The following DOCK10 variants were observed in gnomAD, a reference collection of about 807,000 sequenced individuals.
The protein encoded by DOCK10 is dedicator of cytokinesis 10.
Under a neutral mutation model 280.1 loss-of-function variants are expected in DOCK10, and 145 were observed. The observed-to-expected ratio is 0.52, with a 90% CI of 0.45 to 0.59. The LOEUF is 0.59. Ranked by LOEUF, DOCK10 falls within the 20% of genes least tolerant of loss-of-function variation. The probability of loss-of-function intolerance (pLI) is 0.00; values close to 1 mark genes in which losing one functional copy is unlikely to be tolerated. For synonymous variants in DOCK10, 915 were observed against 942.2 expected (o/e 0.97, Z 0.53); for missense variants, 2,368 against 2,651.7 (o/e 0.89, Z 2.35).
In DOCK10 at chr2:224,830,563, A is replaced by C; in HGVS notation, c.3014T>G (p.Leu1005Trp). The C allele has an allele frequency of 6.6e-7, 1 of 1,526,358 alleles. No individual in the cohort carries two copies. The highest frequency in any genetic ancestry group is 8.9e-7 in the Non-Finnish European group (1 of 1,128,582). 94.6% of individuals were successfully genotyped at this position (1,526,358 alleles called of 1,614,324 possible). Residue 1005 changes from leucine to tryptophan, a missense_variant, in exon 27 of 56, where the codon TTG (leucine) becomes TGG (tryptophan). By Grantham distance (61) the Leu-to-Trp change is moderately conservative (BLOSUM62 -2). This residue lies in a region of DOCK10 where 1,209 missense variants were observed against 1,250.9 expected (regional missense o/e 0.97). Coordinates refer to ENST00000258390, the MANE Select transcript of DOCK10 (RefSeq NM_014689.3). ...AIILKSMAQHLIDTNKIQLPR... is the reference protein window; with the variant it reads ...AIILKSMAQHWIDTNKIQLPR... ...TACCTGGATTTTATTTGTGTCAATC[A>C]AGTGCTGTGCCATCGATTTTAGGAT...
rs1226041664 is a variant in DOCK10, at chr2:225,020,411, G to T, written c.123+21841C>A. 2.0e-5 allele frequency among the ~76,000 whole-genome samples: 3 copies of T among 152,298 alleles called. No homozygotes were observed. The East Asian group carries it at 5.8e-4, about 29-fold the overall frequency. On this transcript the variant is annotated intron_variant, in intron 1 of 55. Coordinates refer to ENST00000258390, the MANE Select transcript of DOCK10 (RefSeq NM_014689.3). ...AGTAGAGGAATAATGAGCTAACCAT[G>T]AAGCAAAGAGTCTGTTTTCTGCCAA...
intron 33 of DOCK10, among the ~76,000 whole-genome samples, chr2:224,806,966 A>G (rs1259424356): frequency 6.6e-6 from 1 of 152,132 alleles, no homozygotes; most frequent in East Asian, 1.9e-4. Flanking sequence ...AATGTTTTCT[A>G]GTACACAATT....
In DOCK10 at chr2:224,812,270, T is replaced by A. The variant is rs139538824; in HGVS notation, c.3409+2050A>T. On this transcript the variant is annotated intron_variant, in intron 31 of 55. Coordinates refer to ENST00000258390, the MANE Select transcript of DOCK10 (RefSeq NM_014689.3). ...GTAATTGTGAATGGTAGTTCACTCA[T>A]GATTTGGCTCTCTGTTTGTCTGTTC... Among the ~76,000 whole-genome samples, 275 of 152,362 alleles carry A rather than the reference T, an allele frequency of 1.8e-3. 1 individual carries two copies. In the Middle Eastern group the frequency reaches 0.02, roughly 11 times the overall value.
intron 1 of DOCK10, among the ~76,000 whole-genome samples, chr2:225,028,175 T>C (rs1689969116): frequency 6.6e-6 from 1 of 152,098 alleles, no homozygotes; most frequent in Non-Finnish European, 1.5e-5. Flanking sequence ...TCCTGGATTA[T>C]CTAGGTGGCC....
intron 7 of DOCK10, among the ~76,000 whole-genome samples, chr2:224,877,999 C>A (rs1389440982): frequency 6.6e-6 from 1 of 152,104 alleles, no homozygotes; most frequent in Non-Finnish European, 1.5e-5. Flanking sequence ...TAGGACAACT[C>A]TATTAAGTAG....
intron 23 of DOCK10, among the ~76,000 whole-genome samples, chr2:224,840,400 A>G (rs957382702): frequency 2.0e-5 from 3 of 152,236 alleles, no homozygotes; most frequent in African/African-American, 7.2e-5. Flanking sequence ...TAAGGAACTC[A>G]AACAACTCAA....
At chr2:224,937,963 G>C (rs986562116) in intron 1 of DOCK10, among the ~76,000 whole-genome samples, 2 of 152,170 alleles carry the variant, frequency 1.3e-5, no homozygotes, top group African/African-American at 4.8e-5. Context: ...GATGGAAAGA[G>C]GAAGAGAGAA....
At chr2:225,009,653 A>G (rs658338) in intron 1 of DOCK10, among the ~76,000 whole-genome samples, 92,556 of 145,148 alleles carry the variant, frequency 0.64, 31,393 homozygotes, top group East Asian at 0.81. Flanking sequence ...AAAAAAAAAG[A>G]AAGAAAAAAG....
At chr2:224,923,976 C>T (rs551178253) in intron 2 of DOCK10, among the ~76,000 whole-genome samples, 1 of 152,306 alleles carries the variant, frequency 6.6e-6, no homozygotes, top group Admixed American at 6.5e-5. Flanking sequence ...TGTTTATAAG[C>T]AAGCCACATT....
Position 224,896,286 on chromosome 2 carries a change from G to C in DOCK10, c.416+9C>G, listed in dbSNP as rs1203235639. 1 of 1,552,334 alleles carries C rather than the reference G, an allele frequency of 6.4e-7. No individual in the cohort carries two copies. The highest frequency in any genetic ancestry group is 8.9e-7 in the Non-Finnish European group (1 of 1,129,160). On this transcript the variant is annotated intron_variant, in intron 4 of 55. Transcript: ENST00000258390. ...AAAAGACCAATAAGTGCTCATAACA[G>C]GTTCTTACCGGGGTAGCTGTCGAAT...
chr2:224,984,462 C>T (rs569068000), intron 1 of DOCK10, among the ~76,000 whole-genome samples: 10 of 152,202 alleles, frequency 6.6e-5, no homozygotes, highest in Non-Finnish European at 8.8e-5. Context: ...CCCTCTGCCT[C>T]TGAGGAATTC....
chr2:224,784,897 G>T (rs1020045086), intron 50 of DOCK10, among the ~76,000 whole-genome samples: 9 of 152,152 alleles, frequency 5.9e-5, no homozygotes, highest in African/African-American at 1.9e-4. Context: ...TCATGATCAG[G>T]TTATTAACGG....
At chr2:224,944,321 C>T (rs1043624789) in intron 1 of DOCK10, among the ~76,000 whole-genome samples, 1 of 152,202 alleles carries the variant, frequency 6.6e-6, no homozygotes, top group Non-Finnish European at 1.5e-5. Context: ...GTGACTTCGA[C>T]TGCTGAAGGC....
intron 1 of DOCK10, among the ~76,000 whole-genome samples, chr2:225,015,580 G>A (rs1398908362): frequency 6.6e-6 from 1 of 152,160 alleles, no homozygotes; most frequent in Non-Finnish European, 1.5e-5. Context: ...GGAAATACCT[G>A]AAACCCAGGC....
intron 4 of DOCK10, among the ~76,000 whole-genome samples, chr2:224,889,865 G>A (rs1433812901): frequency 1.3e-5 from 2 of 152,204 alleles, no homozygotes; most frequent in Non-Finnish European, 2.9e-5. Flanking sequence ...CCCCACTCCT[G>A]TGAGAGGTGA....
intron 1 of DOCK10, chr2:224,947,012 C>A (rs1703459189): frequency 1.4e-5 from 21 of 1,493,640 alleles, no homozygotes; most frequent in Non-Finnish European, 1.7e-5. Context: ...AAACTCTTCT[C>A]TTCTGAAGCG....
In DOCK10 at chr2:224,810,286, A is replaced by G. The variant is rs988874062; in HGVS notation, c.3410-2200T>C. On this transcript the variant is annotated intron_variant, in intron 31 of 55. Coordinates refer to ENST00000258390, the MANE Select transcript of DOCK10 (RefSeq NM_014689.3). ...TAAGTTTCTGCAAAAAAATTAAAGA[A>G]GTTAACCTCATAGAAGCACAGAGTA... Among the ~76,000 whole-genome samples the G allele has an allele frequency of 3.3e-5, 5 of 152,322 alleles. No homozygotes were observed. In the East Asian group the frequency reaches 7.7e-4, roughly 23 times the overall value.
At position 224,852,452 on chromosome 2, in the gene DOCK10, C is replaced by G; in HGVS notation, c.2077-10G>C. The G allele has an allele frequency of 6.5e-7, 1 of 1,547,486 alleles. No individual in the cohort carries two copies. The highest frequency in any genetic ancestry group is 1.7e-4 in the Middle Eastern group (1 of 5,958). Reference sequence around the variant, plus strand: ...CAGTTATATTCCGTGCCTGAAATTACGGAGAGAAAAAATGGAAATTGTAAT... The same window carrying G: ...CAGTTATATTCCGTGCCTGAAATTAGGGAGAGAAAAAATGGAAATTGTAAT... On this transcript the variant is annotated splice_polypyrimidine_tract_variant and intron_variant, in intron 17 of 55. Transcript: ENST00000258390.
At chr2:224,850,881 A>T (rs1228425353) in intron 18 of DOCK10, among the ~76,000 whole-genome samples, 1 of 152,130 alleles carries the variant, frequency 6.6e-6, no homozygotes, top group Non-Finnish European at 1.5e-5. Context: ...AGCCATGCAG[A>T]AACTGTGAGT....
Sources: allele counts gnomAD v4.1 joint callset (sites outside exome capture counted in the v4.1 genomes callset), GRCh38; gene constraint gnomAD v4.1.1; regional missense constraint gnomAD v4.1.1; transcripts MANE v1.5; gene names NCBI Gene and HGNC (gene_info 2026-07-23, HGNC 2026-07-21).